The following LRBA variants were observed in gnomAD, a reference collection of about 807,000 sequenced individuals.
LRBA encodes the protein LPS responsive beige-like anchor protein.
A neutral mutation model predicts 330.0 loss-of-function variants in LRBA; 176 were observed. That is an observed-to-expected ratio of 0.53 (90% CI 0.47 to 0.60). The LOEUF is 0.60. Among genes scored for constraint, LRBA ranks in the 20% least tolerant of loss-of-function variants. The pLI, the probability that LRBA is intolerant of heterozygous loss-of-function variation, is 0.00. For missense variants in LRBA, 3,259 were observed against 3,444.8 expected (o/e 0.95, Z 1.35); for synonymous variants, 1,230 against 1,193.0 (o/e 1.03, Z -0.64).
intron 40 of LRBA, 100 bp from the exon 41 acceptor site, chr4:150,491,135 A>T: frequency 2.0e-6 from 1 of 493,826 alleles, no homozygotes. Flanking sequence ...TAAGAAAAAT[A>T]ATTTTTAAGA....
At chr4:150,953,930 C>T (rs532067788) in intron 2 of LRBA, among the ~76,000 whole-genome samples, 37 of 148,742 alleles carry the variant, frequency 2.5e-4, no homozygotes, top group Admixed American at 1.3e-3. Flanking sequence ...CATCTCTGCC[C>T]GGCCACCCAT....
intron 47 of LRBA, among the ~76,000 whole-genome samples, chr4:150,357,271 C>T (rs1033719719): frequency 6.6e-6 from 1 of 151,934 alleles, no homozygotes; most frequent in African/African-American, 2.4e-5. Flanking sequence ...GCAGGAGAAT[C>T]ATTCTGTCTA....
chr4:150,352,070 C>G (rs1360580354), intron 47 of LRBA, among the ~76,000 whole-genome samples: 1 of 152,162 alleles, frequency 6.6e-6, no homozygotes, highest in Non-Finnish European at 1.5e-5. Context: ...GAGGAGACTG[C>G]TGTACCAACT....
At chr4:150,317,913 T>C (rs1406351699) in intron 50 of LRBA, among the ~76,000 whole-genome samples, 1 of 152,146 alleles carries the variant, frequency 6.6e-6, no homozygotes, top group Non-Finnish European at 1.5e-5. Context: ...CGCGATTTCA[T>C]ATGGTTTCAA....
intron 55 of LRBA, among the ~76,000 whole-genome samples, chr4:150,280,808 G>A (rs1560956265): frequency 6.6e-6 from 1 of 152,222 alleles, no homozygotes; most frequent in South Asian, 2.1e-4. Context: ...CGCCTCCCGA[G>A]GTAGTGAGCT....
chr4:150,517,161 C>T (rs984623278), intron 40 of LRBA, among the ~76,000 whole-genome samples: 3 of 152,116 alleles, frequency 2.0e-5, no homozygotes, highest in African/African-American at 4.8e-5. Flanking sequence ...TCACTCCCTA[C>T]AACATACATA....
At chr4:150,736,900 A>G (rs1731253691) in intron 35 of LRBA, among the ~76,000 whole-genome samples, 1 of 152,136 alleles carries the variant, frequency 6.6e-6, no homozygotes, top group African/African-American at 2.4e-5. Flanking sequence ...GCAATGACCT[A>G]TTTGAAATAC....
chr4:151,007,518 C>CAA (rs566106502), intron 2 of LRBA, among the ~76,000 whole-genome samples: 13 of 114,774 alleles, frequency 1.1e-4, no homozygotes, highest in African/African-American at 4.3e-4. Context: ...AAAAAAAAAA[C>CAA]AAAAAAAAAA....
At chr4:150,933,547 T>G (rs149662902) in intron 2 of LRBA, among the ~76,000 whole-genome samples, 2 of 152,250 alleles carry the variant, frequency 1.3e-5, no homozygotes, top group South Asian at 2.1e-4. Context: ...CATTTACACA[T>G]AGACCTATGC....
At chr4:150,766,128 T>A (rs940303441) in intron 34 of LRBA, among the ~76,000 whole-genome samples, 9 of 152,074 alleles carry the variant, frequency 5.9e-5, no homozygotes, top group African/African-American at 2.2e-4. Flanking sequence ...TTTGTTAACC[T>A]TCAGTAATTA....
chr4:150,906,023 A>T, intron 12 of LRBA, 33 bp from the exon 13 acceptor site: 1 of 1,598,224 alleles, frequency 6.3e-7, no homozygotes, highest in Non-Finnish European at 8.6e-7. Flanking sequence ...GTTACCACAA[A>T]TTCAAGTCAA....
At chr4:150,556,345 T>C (rs905744320) in intron 40 of LRBA, among the ~76,000 whole-genome samples, 2 of 152,222 alleles carry the variant, frequency 1.3e-5, no homozygotes, top group Non-Finnish European at 2.9e-5. Context: ...ACAGCAACTA[T>C]GTTTGAAGTT....
At chr4:150,910,795 G>A (rs1731905350) in intron 9 of LRBA, among the ~76,000 whole-genome samples, 1 of 152,132 alleles carries the variant, frequency 6.6e-6, no homozygotes, top group Non-Finnish European at 1.5e-5. Flanking sequence ...TCCAAGGGAT[G>A]TCTTTACATT....
intron 35 of LRBA, among the ~76,000 whole-genome samples, chr4:150,753,043 A>C (rs1211465900): frequency 6.6e-6 from 1 of 152,172 alleles, no homozygotes; most frequent in Non-Finnish European, 1.5e-5. Flanking sequence ...CTATCTTCTT[A>C]TAACTGCCTT....
At chr4:150,664,143 C>A (rs1258101641) in intron 37 of LRBA, among the ~76,000 whole-genome samples, 1 of 152,080 alleles carries the variant, frequency 6.6e-6, no homozygotes, top group Non-Finnish European at 1.5e-5. Context: ...AATAATGGTA[C>A]TAGGAAGGCT....
At chr4:150,917,603 A>G (rs980938831) in intron 5 of LRBA, among the ~76,000 whole-genome samples, 2 of 152,148 alleles carry the variant, frequency 1.3e-5, no homozygotes, top group Non-Finnish European at 2.9e-5. Context: ...ACTACATAAT[A>G]AAAGGATCTT....
intron 37 of LRBA, among the ~76,000 whole-genome samples, chr4:150,662,067 C>G (rs1781168168): frequency 6.6e-6 from 1 of 152,094 alleles, no homozygotes; most frequent in Admixed American, 6.5e-5. Context: ...TTTTAAGTAT[C>G]TGTAACTACA....
intron 35 of LRBA, among the ~76,000 whole-genome samples, chr4:150,755,850 C>T (rs1411139582): frequency 6.7e-6 from 1 of 149,802 alleles, no homozygotes; most frequent in South Asian, 2.1e-4. Flanking sequence ...CTAGCCTGGG[C>T]AACATGGCAA....
chr4:150,597,205 C>A, intron 38 of LRBA: 1 of 578,594 alleles, frequency 1.7e-6, no homozygotes, highest in Non-Finnish European at 3.0e-6. Context: ...AGTCAAGAGT[C>A]TTAGGATGAT....
Sources: allele counts gnomAD v4.1 joint callset (sites outside exome capture counted in the v4.1 genomes callset), GRCh38; gene constraint gnomAD v4.1.1; transcripts MANE v1.5; gene names NCBI Gene and HGNC (gene_info 2026-07-23, HGNC 2026-07-21).